Variants in UTRN observed in about 807,000 individuals in gnomAD.
The protein encoded by UTRN is dystrophin-related protein 1.
Under a neutral mutation model 463.9 loss-of-function variants are expected in UTRN, and 283 were observed. The observed-to-expected ratio is 0.61, with a 90% CI of 0.55 to 0.67. The LOEUF is 0.67. UTRN is among the 30% of genes least tolerant of loss of function. The pLI is 0.00. For missense variants in UTRN, 3,922 were observed against 4,084.3 expected, an observed-to-expected ratio of 0.96 and a Z score of 1.08; for synonymous variants, 1,442 against 1,431.5, an observed-to-expected ratio of 1.01 and a Z score of -0.17.
intron 11 of UTRN, among the ~76,000 whole-genome samples, 190 bp downstream of exon 11, chr6:144,437,936 C>T (rs1483363984): frequency 6.6e-6 from 1 of 152,130 alleles, no homozygotes; most frequent in African/African-American, 2.4e-5. Context: ...GTGTTAGCCA[C>T]ACCAAAAGAT....
At chr6:144,828,935 T>C in intron 69 of UTRN, 80 bp downstream of exon 69, 1 of 1,482,804 alleles carries the variant, frequency 6.7e-7, no homozygotes, top group Non-Finnish European at 9.4e-7. Context: ...TTCACTGATG[T>C]GGCTCTGAAT....
At chr6:144,387,433 C>G (rs1046842232) in intron 2 of UTRN, among the ~76,000 whole-genome samples, 99 of 152,264 alleles carry the variant, frequency 6.5e-4, no homozygotes, top group African/African-American at 2.3e-3. Context: ...GCCACCATGC[C>G]CGGCCTTCTT....
intron 51 of UTRN, among the ~76,000 whole-genome samples, chr6:144,638,363 G>GT (rs1213677674): frequency 6.6e-6 from 1 of 152,242 alleles, no homozygotes; most frequent in Non-Finnish European, 1.5e-5. Context: ...AATAGTTCAT[G>GT]TTTTTTGTCA....
At chr6:144,318,978 G>A (rs1775458398) in intron 2 of UTRN, among the ~76,000 whole-genome samples, 1 of 152,174 alleles carries the variant, frequency 6.6e-6, no homozygotes, top group Non-Finnish European at 1.5e-5. Flanking sequence ...CTGAGGTGGA[G>A]GGATCACTTG....
intron 53 of UTRN, among the ~76,000 whole-genome samples, chr6:144,724,386 G>A (rs572172895): frequency 7.3e-5 from 11 of 151,670 alleles, no homozygotes; most frequent in South Asian, 2.1e-4. Flanking sequence ...CCGCCACCAC[G>A]CCTGGCTAAT....
At chr6:144,304,395 A>G (rs1452590251) in intron 2 of UTRN, among the ~76,000 whole-genome samples, 3 of 152,212 alleles carry the variant, frequency 2.0e-5, no homozygotes, top group Non-Finnish European at 4.4e-5. Context: ...CGCATGGTGA[A>G]TAAGACACAG....
At chr6:144,637,225 C>T (rs886660075) in intron 51 of UTRN, among the ~76,000 whole-genome samples, 1 of 152,150 alleles carries the variant, frequency 6.6e-6, no homozygotes, top group East Asian at 1.9e-4. Flanking sequence ...CTGCCTCGTC[C>T]CTCCAAAGTG....
chr6:144,818,846 T>C (rs1538399), intron 65 of UTRN, among the ~76,000 whole-genome samples: 77,619 of 151,548 alleles, frequency 0.51, 22,663 homozygotes, highest in East Asian at 0.9. Context: ...GACCCAGATA[T>C]TGCTTCTCTA....
At chr6:144,654,340 A>G (rs1256481720) in intron 51 of UTRN, among the ~76,000 whole-genome samples, 1 of 152,220 alleles carries the variant, frequency 6.6e-6, no homozygotes, top group Non-Finnish European at 1.5e-5. Flanking sequence ...ACACAAAAGT[A>G]TAGCTGATCG....
intron 66 of UTRN, among the ~76,000 whole-genome samples, chr6:144,823,326 AC>A (rs1439457794): frequency 9.9e-5 from 15 of 152,136 alleles, no homozygotes; most frequent in Admixed American, 7.9e-4. Context: ...GATATAGTTC[AC>A]TTTTCGGCTG....
chr6:144,421,767 CACA>C (rs1784855372), intron 3 of UTRN, 108 bp from the exon 4 acceptor site: 1 of 600,892 alleles, frequency 1.7e-6, no homozygotes, highest in African/African-American at 1.9e-5. Context: ...GCAGATCATC[CACA>C]ACATTTTAAT....
chr6:144,409,890 T>A (rs888130257), intron 3 of UTRN, among the ~76,000 whole-genome samples: 1 of 152,204 alleles, frequency 6.6e-6, no homozygotes, highest in African/African-American at 2.4e-5. Flanking sequence ...CATGTATGGT[T>A]AAGTGCATGC....
Position 144,531,124 on chromosome 6 carries a change from A to G in UTRN, c.5979A>G (p.Thr1993=), listed in dbSNP as rs1314311746. ...CDLNDLTQWI[T]EAEELLVDTC... The stretch of plus-strand genomic sequence containing the variant: ...TTAATGACCTCACACAGTGGATAAC[A>G]GAGGCTGAAGAATTACTGGTTGATA... Residue 1993 remains threonine, a synonymous_variant, in exon 42 of 75, where the codon ACA becomes ACG. Coordinates refer to ENST00000367545, the MANE Select transcript of UTRN (RefSeq NM_007124.3). 1 of 1,614,086 alleles carries G rather than the reference A, an allele frequency of 6.2e-7. No homozygotes were observed. Among genetic ancestry groups the G allele is most frequent in the East Asian group, 2.2e-5 (1 of 44,854 alleles).
chr6:144,702,715 T>C (rs150381494), intron 53 of UTRN, among the ~76,000 whole-genome samples: 24 of 152,160 alleles, frequency 1.6e-4, no homozygotes, highest in Admixed American at 7.9e-4. Flanking sequence ...CTCTTGAAAG[T>C]AGAACATTTA....
chr6:144,593,783 A>G (rs989418064), intron 51 of UTRN, among the ~76,000 whole-genome samples: 4 of 152,240 alleles, frequency 2.6e-5, no homozygotes, highest in African/African-American at 9.6e-5. Flanking sequence ...TATTAATAAA[A>G]AAGTTGCCCT....
At chr6:144,829,787 T>G (rs747831231) in intron 69 of UTRN, among the ~76,000 whole-genome samples, 17 of 151,982 alleles carry the variant, frequency 1.1e-4, no homozygotes, top group Non-Finnish European at 1.8e-4. Flanking sequence ...TCTTTCCATA[T>G]TTTCTAAAAC....
chr6:144,328,272 A>G (rs889430775), intron 2 of UTRN, among the ~76,000 whole-genome samples: 5 of 152,134 alleles, frequency 3.3e-5, no homozygotes, highest in African/African-American at 1.2e-4. Flanking sequence ...GTACCCAGAC[A>G]TGAGTAATTC....
chr6:144,359,344 A>G (rs1453570190), intron 2 of UTRN, among the ~76,000 whole-genome samples: 7 of 152,228 alleles, frequency 4.6e-5, no homozygotes, highest in African/African-American at 1.7e-4. Context: ...AACCCCTGAT[A>G]TAAGTCAGTA....
At chr6:144,850,091 A>G (rs1000173003) in intron 74 of UTRN, among the ~76,000 whole-genome samples, 14 of 152,190 alleles carry the variant, frequency 9.2e-5, no homozygotes, top group African/African-American at 3.4e-4. Context: ...TGCTCCCTCT[A>G]ACATGGCAAT....
Sources: allele counts gnomAD v4.1 joint callset (sites outside exome capture counted in the v4.1 genomes callset), GRCh38; gene constraint gnomAD v4.1.1; transcripts MANE v1.5; gene names NCBI Gene and HGNC (gene_info 2026-07-23, HGNC 2026-07-21).